The following KCNH1 variants were observed in gnomAD, a reference collection of about 807,000 sequenced individuals.
KCNH1 encodes potassium voltage-gated channel subfamily H member 1, also known as voltage-gated delayed rectifier potassium channel KCNH1.
In KCNH1, 27 loss-of-function variants were observed where a neutral mutation model predicts 69.2. The observed-to-expected ratio is 0.39, with a 90% confidence interval of 0.29 to 0.54. KCNH1 has a LOEUF of 0.54. Among genes scored for constraint, KCNH1 ranks in the 20% least tolerant of loss-of-function variants. The pLI is 0.68. For missense variants in KCNH1, 798 were observed against 1,261.6 expected, an observed-to-expected ratio of 0.63 and a Z score of 5.57; for synonymous variants, 456 against 487.7, an observed-to-expected ratio of 0.93 and a Z score of 0.86.
At chr1:210,909,599 C>T (rs1370759698) in intron 7 of KCNH1, among the ~76,000 whole-genome samples, 2 of 152,228 alleles carry the variant, frequency 1.3e-5, no homozygotes, top group Non-Finnish European at 2.9e-5. Context: ...TTAAGTAGTG[C>T]AGACAAGATC....
intron 10 of KCNH1, among the ~76,000 whole-genome samples, chr1:210,758,274 AG>A (rs1212199654): frequency 6.6e-6 from 1 of 152,164 alleles, no homozygotes; most frequent in East Asian, 1.9e-4. Context: ...GACAGGACAA[AG>A]GCCCCCAAAG....
At chr1:210,822,564 C>T (rs147527236) in intron 7 of KCNH1, among the ~76,000 whole-genome samples, 34 of 152,234 alleles carry the variant, frequency 2.2e-4, no homozygotes, top group Non-Finnish European at 3.8e-4. Flanking sequence ...GTTGAATGCT[C>T]CACTGTTGCT....
intron 10 of KCNH1, among the ~76,000 whole-genome samples, chr1:210,736,309 G>T (rs1682877098): frequency 6.6e-6 from 1 of 152,142 alleles, no homozygotes; most frequent in African/African-American, 2.4e-5. Flanking sequence ...CATGACTTGG[G>T]AGGCCGAGAC....
Position 211,045,792 on chromosome 1 carries a change from A to T in KCNH1, c.559-26536T>A, listed in dbSNP as rs570517124. On this transcript the variant is annotated intron_variant, in intron 5 of 10. Transcript: ENST00000271751. ...TACTATATATCTCTAGGACTTATGT[A>T]TCTTGTATAAGTGAAACTTTGTGCC... Among the ~76,000 whole-genome samples, 60 of 152,324 alleles carry T rather than the reference A, an allele frequency of 3.9e-4. 2 individuals are homozygous for T. The highest frequency in any genetic ancestry group is 1.3e-3 in the African/African-American group (55 of 41,580).
chr1:210,980,690 A>C (rs575866659), intron 6 of KCNH1, among the ~76,000 whole-genome samples: 16 of 152,298 alleles, frequency 1.1e-4, no homozygotes, highest in Admixed American at 1.0e-3. Flanking sequence ...TCATGAGAAT[A>C]GTATGAGCAG....
intron 1 of KCNH1, 95 bp from the exon 2 acceptor site, chr1:211,107,472 ATT>A: frequency 8.0e-7 from 1 of 1,247,636 alleles, no homozygotes; most frequent in South Asian, 1.4e-5. Flanking sequence ...CAATCCAGAT[ATT>A]TCTGATTCCC....
At chr1:210,704,193 A>G (rs1444114076) in intron 10 of KCNH1, among the ~76,000 whole-genome samples, 1 of 152,120 alleles carries the variant, frequency 6.6e-6, no homozygotes, top group Non-Finnish European at 1.5e-5. Context: ...CCTACTGTGA[A>G]GTCTGAAGGA....
At chr1:210,705,144 C>G (rs1681876738) in intron 10 of KCNH1, among the ~76,000 whole-genome samples, 1 of 152,206 alleles carries the variant, frequency 6.6e-6, no homozygotes, top group Admixed American at 6.5e-5. Flanking sequence ...CCTCCCTCCC[C>G]TCTACCACTC....
intron 10 of KCNH1, among the ~76,000 whole-genome samples, chr1:210,762,950 T>A (rs1683551912): frequency 6.6e-6 from 1 of 152,122 alleles, no homozygotes; most frequent in Non-Finnish European, 1.5e-5. Context: ...ATATCTCTGA[T>A]GAACATAGAT....
At chr1:210,923,621 C>T (rs1022556230) in intron 6 of KCNH1, among the ~76,000 whole-genome samples, 1 of 152,246 alleles carries the variant, frequency 6.6e-6, no homozygotes, top group Non-Finnish European at 1.5e-5. Context: ...GTTTTGCATA[C>T]TAGTGATTCT....
At chr1:210,873,759 A>T (rs1266923628) in intron 7 of KCNH1, among the ~76,000 whole-genome samples, 1 of 152,272 alleles carries the variant, frequency 6.6e-6, no homozygotes, top group African/African-American at 2.4e-5. Context: ...CTCCAGATAC[A>T]GTCAATAGTA....
intron 6 of KCNH1, among the ~76,000 whole-genome samples, chr1:211,009,513 AC>A (rs1367564146): frequency 2.6e-5 from 4 of 152,172 alleles, no homozygotes; most frequent in African/African-American, 7.2e-5. Context: ...ACAGAACCTG[AC>A]CCACGAGAAG....
At chr1:211,013,541 G>A (rs914325819) in intron 6 of KCNH1, among the ~76,000 whole-genome samples, 1 of 152,224 alleles carries the variant, frequency 6.6e-6, no homozygotes, top group Non-Finnish European at 1.5e-5. Context: ...GGTTCCCTCA[G>A]CTTCCAGATT....
rs142798110 is a variant in KCNH1 at position 210,797,481 on chromosome 1, T to TG, written c.1915+26dup. The TG allele has an allele frequency of 0.24, 381,663 of 1,610,156 alleles. 49,342 individuals are homozygous for TG. Among genetic ancestry groups the TG allele is most frequent in the Non-Finnish European group, 0.27 (318,547 of 1,177,014 alleles). On this transcript the variant is annotated intron_variant, in intron 9 of 10. Coordinates refer to ENST00000271751, the MANE Select transcript of KCNH1 (RefSeq NM_172362.3). ...AAGCTAAGCCAACCCCAGATACCTT[T>TG]GCCCATCCAGCAAAGCCAACACCTA...
chr1:210,923,663 A>T (rs939901592), intron 6 of KCNH1, among the ~76,000 whole-genome samples: 7 of 152,218 alleles, frequency 4.6e-5, no homozygotes, highest in Non-Finnish European at 1.0e-4. Flanking sequence ...ACCAAGCACC[A>T]ACTCCTCCAT....
intron 7 of KCNH1, among the ~76,000 whole-genome samples, chr1:210,869,424 C>T (rs1480722378): frequency 1.3e-5 from 2 of 150,100 alleles, no homozygotes; most frequent in Non-Finnish European, 3.0e-5. Context: ...TTTGTTAATT[C>T]TATTTTCTCT....
rs1681328022 is a variant in KCNH1, at chr1:210,683,572, G to A, written c.2679C>T (p.Asn893=). 2.5e-6 allele frequency: 4 copies of A among 1,614,008 alleles called. No individual in the cohort carries two copies. Among genetic ancestry groups the A allele is most frequent in the Admixed American group, 1.7e-5 (1 of 60,008 alleles). The change falls in exon 11 of 11, where the codon AAC becomes AAT. Residue 893 remains asparagine (N), a synonymous_variant. Coordinates refer to ENST00000271751, the MANE Select transcript of KCNH1 (RefSeq NM_172362.3). This position sits in a 1 kb window ranked among gnomAD's most constrained non-coding sequence, Gnocchi z 5.7. ...CCTGGGGACTCCTGGCCTCACCCAC[G>A]TTGTCCAGGCGCAAGTCGCTCTTGG... ...GITKSDLRLD[N]VGEARSPQDR...
intron 9 of KCNH1, among the ~76,000 whole-genome samples, chr1:210,776,803 C>T (rs1376640320): frequency 3.3e-5 from 5 of 152,164 alleles, no homozygotes; most frequent in African/African-American, 7.2e-5. Flanking sequence ...TTTATCAAAT[C>T]GTCTCTAACC....
intron 6 of KCNH1, among the ~76,000 whole-genome samples, chr1:210,988,057 T>G (rs1323603879): frequency 6.6e-6 from 1 of 152,230 alleles, no homozygotes; most frequent in African/African-American, 2.4e-5. Context: ...TGAGTGAGAT[T>G]CTGTGGGTGT....
Sources: allele counts gnomAD v4.1 joint callset (sites outside exome capture counted in the v4.1 genomes callset), GRCh38; gene constraint gnomAD v4.1.1; non-coding constraint Gnocchi (gnomAD v3.1); transcripts MANE v1.5; gene names NCBI Gene and HGNC (gene_info 2026-07-23, HGNC 2026-07-21).